Variants in PARVG observed in about 807,000 individuals in gnomAD.
PARVG encodes the protein parvin gamma, also known as gamma-parvin.
Under a neutral mutation model 44.4 loss-of-function variants are expected in PARVG, and 36 were observed. The ratio of observed to expected loss-of-function variants is 0.81; its 90% CI spans 0.62 to 1.07. The LOEUF (loss-of-function observed/expected upper bound fraction) is 1.07. Ranked by LOEUF, PARVG falls within the 50% of genes least tolerant of loss-of-function variation. The pLI is 0.00. For missense variants in PARVG, 407 were observed against 407.4 expected, an observed-to-expected ratio of 1.00 and a Z score of 0.01; for synonymous variants, 170 against 174.1, an observed-to-expected ratio of 0.98 and a Z score of 0.19.
In PARVG at chr22:44,181,760, C is replaced by T; in HGVS notation, c.-170C>T. On this transcript the variant is annotated 5_prime_UTR_variant, in exon 2 of 14. Transcript: ENST00000444313. ...GCCGCAGAGAGGAGGAAGCTCCTGCCGGCTGAGCGGGCCTGGAGGAAGTGA... is the reference window on the plus strand; with the variant it reads ...GCCGCAGAGAGGAGGAAGCTCCTGCTGGCTGAGCGGGCCTGGAGGAAGTGA... 5.1e-6 allele frequency: 5 copies of T among 985,398 alleles called. No homozygotes were observed. The highest frequency in any genetic ancestry group is 4.8e-6 in the Non-Finnish European group (4 of 829,932). The allele number at this position is 985,398 out of a possible 1,614,324, so 61.0% of individuals were successfully genotyped here. A position where few individuals can be genotyped will look rare whatever the true frequency, so the allele number is the denominator to read the frequency against.
At position 44,182,520 on chromosome 22, in the gene PARVG, A is replaced by T. The variant is rs1284711355; in HGVS notation, c.-13+603A>T. Among the ~76,000 whole-genome samples the T allele has an allele frequency of 6.6e-6, 1 of 152,104 alleles. No individual in the cohort carries two copies. The highest frequency in any genetic ancestry group is 2.4e-5 in the African/African-American group (1 of 41,428). On this transcript the variant is annotated intron_variant, in intron 2 of 13. Transcript: ENST00000444313. This position sits in a 1 kb window ranked among gnomAD's most constrained non-coding sequence, Gnocchi z 4.6. ...GACATGGGTGGCTCCAGTCGAGTGA[A>T]TGCCTCCGTCTCCCACAGCTCAGGG...
At chr22:44,204,760 G>T (rs1781886627) in intron 12 of PARVG, among the ~76,000 whole-genome samples, 1 of 152,248 alleles carries the variant, frequency 6.6e-6, no homozygotes, top group Admixed American at 6.5e-5. Context: ...CCCGTCTAGT[G>T]GATCTACGGG....
intron 1 of PARVG, chr22:44,173,204 G>A: frequency 8.1e-7 from 1 of 1,236,562 alleles, no homozygotes; most frequent in Non-Finnish European, 1.0e-6. Context: ...GAGTAATAAA[G>A]GCTCATCTGC....
rs139187 is a variant in PARVG, at chr22:44,206,669, A to C, written c.*243A>C. The C allele has an allele frequency of 0.32, 164,570 of 508,016 alleles. 29,308 individuals are homozygous for C. Among genetic ancestry groups the C allele is most frequent in the Non-Finnish European group, 0.39 (109,940 of 281,026 alleles). The allele number at this position is 508,016 out of a possible 1,614,324, so 31.5% of individuals were successfully genotyped here. A position where few individuals can be genotyped will look rare whatever the true frequency, so the allele number is the denominator to read the frequency against. ...TTCTGGGAGGGATTCTGGGAACTTG[A>C]CAGGGTCCTGAGGAGGGCCCTTAAA... On this transcript the variant is annotated 3_prime_UTR_variant, in exon 14 of 14. Transcript: ENST00000444313.
intron 5 of PARVG, chr22:44,188,895 G>A: frequency 1.7e-6 from 1 of 596,568 alleles, no homozygotes; most frequent in Non-Finnish European, 2.9e-6. Flanking sequence ...TGGCCTGCAT[G>A]GCCCACCAAT....
intron 12 of PARVG, among the ~76,000 whole-genome samples, chr22:44,203,773 G>A (rs139172): frequency 0.43 from 65,593 of 152,052 alleles, 15,329 homozygotes; most frequent in Non-Finnish European, 0.52. Flanking sequence ...CTGTCCACTC[G>A]GAGCTTCCCA....
chr22:44,203,668 A>G (rs1268641536), intron 12 of PARVG, among the ~76,000 whole-genome samples: 1 of 152,246 alleles, frequency 6.6e-6, no homozygotes, highest in Non-Finnish European at 1.5e-5. Context: ...GAATGCGAAC[A>G]ATAGCAACAA....
At position 44,185,834 on chromosome 22, in the gene PARVG, A is replaced by G; in HGVS notation, c.106A>G (p.Thr36Ala). 3.7e-6 allele frequency: 6 copies of G among 1,613,630 alleles called. No homozygotes were observed. Among genetic ancestry groups the G allele is most frequent in the Non-Finnish European group, 5.1e-6 (6 of 1,179,748 alleles). ...KGGKKKYLPPTSRKDPKFEEL... is the reference protein window; with the variant it reads ...KGGKKKYLPPASRKDPKFEEL... Reference sequence around the variant, plus strand: ...AGGAAAGAAGAAATACCTGCCACCCACTTCCCGGAAGGACCCCAAATTTGA... The same window carrying G: ...AGGAAAGAAGAAATACCTGCCACCCGCTTCCCGGAAGGACCCCAAATTTGA... The change falls in exon 4 of 14, where the codon ACT becomes GCT. Residue 36 changes from threonine to alanine, a missense_variant. Coordinates refer to ENST00000444313, the MANE Select transcript of PARVG (RefSeq NM_022141.7).
intron 12 of PARVG, 105 bp downstream of exon 12, chr22:44,198,827 G>A (rs2054654023): frequency 3.4e-6 from 3 of 877,312 alleles, no homozygotes; most frequent in East Asian, 4.8e-5. Flanking sequence ...AGTGAAGGGT[G>A]TAGGGGAAGC....
intron 11 of PARVG, among the ~76,000 whole-genome samples, chr22:44,197,362 G>A (rs957466983): frequency 6.6e-6 from 1 of 152,152 alleles, no homozygotes; most frequent in Non-Finnish European, 1.5e-5. Flanking sequence ...TCTGAAGTGG[G>A]AACTGTACTA....
At chr22:44,175,426 G>A (rs1266857725) in intron 1 of PARVG, among the ~76,000 whole-genome samples, 4 of 152,258 alleles carry the variant, frequency 2.6e-5, no homozygotes, top group Admixed American at 2.6e-4. Context: ...CCCGGCCACC[G>A]CAGGGACGGG....
intron 1 of PARVG, among the ~76,000 whole-genome samples, chr22:44,175,225 G>C (rs1486688069): frequency 2.0e-5 from 3 of 152,242 alleles, no homozygotes; most frequent in African/African-American, 7.2e-5. Context: ...CACCTCCCCA[G>C]GGGGCCGTGG....
chr22:44,196,253 C>T lies in PARVG; in HGVS notation c.642+40C>T, dbSNP rs747488214. 86 of 1,613,808 alleles carry T rather than the reference C, an allele frequency of 5.3e-5. 1 individual carries two copies. Among genetic ancestry groups the T allele is most frequent in the South Asian group, 4.0e-4 (36 of 91,072 alleles). On this transcript the variant is annotated intron_variant, in intron 10 of 13. Transcript: ENST00000444313. Reference sequence around the variant, plus strand: ...AGCTCTCAGCGGCTCTCAGGCTGCCCACCCCACCCACTGCCCACCTGCGCT... The same window carrying T: ...AGCTCTCAGCGGCTCTCAGGCTGCCTACCCCACCCACTGCCCACCTGCGCT...
chr22:44,196,364 C>T lies in PARVG; in HGVS notation c.660C>T (p.Val220=). ...CTGGTTAGGCCATCGTGAACTTTGT[C>T]AACCAGAAGCTGGACCGCCTGGGCC... ...NAVKEAIVNF[V]NQKLDRLGLS... is the part of the protein sequence containing the mutation. Residue 220 remains valine, a synonymous_variant, in exon 11 of 14, where the codon GTC becomes GTT. Coordinates refer to ENST00000444313, the MANE Select transcript of PARVG (RefSeq NM_022141.7). The T allele has an allele frequency of 6.2e-7, 1 of 1,614,210 alleles. No individual in the cohort carries two copies. The highest frequency in any genetic ancestry group is 1.3e-5 in the African/African-American group (1 of 75,066).
chr22:44,185,991 C>T lies in PARVG; in HGVS notation c.144+119C>T, dbSNP rs560512305. ...TCCTTGGCCTCAGGCTGGGGGGTGGCGACCCCCGAAGACCCCTGGAAGGCC... is the reference window on the plus strand; with the variant it reads ...TCCTTGGCCTCAGGCTGGGGGGTGGTGACCCCCGAAGACCCCTGGAAGGCC... On this transcript the variant is annotated intron_variant, in intron 4 of 13. Coordinates refer to ENST00000444313, the MANE Select transcript of PARVG (RefSeq NM_022141.7). 3.3e-4 allele frequency: 288 copies of T among 859,968 alleles called. 3 individuals are homozygous for T. In the African/African-American group the frequency reaches 4.0e-3, roughly 12 times the overall value. 53.3% of individuals were successfully genotyped at this position (859,968 alleles called of 1,614,324 possible).
Position 44,196,350 on chromosome 22 carries a change from A to G in PARVG, c.646A>G (p.Ile216Val), listed in dbSNP as rs1032147081. 2 of 1,614,102 alleles carry G rather than the reference A, an allele frequency of 1.2e-6. No homozygotes were observed. Among genetic ancestry groups the G allele is most frequent in the African/African-American group, 1.3e-5 (1 of 74,940 alleles). Residue 216 changes from isoleucine (I) to valine (V), a missense_variant, in exon 11 of 14, where the codon ATC becomes GTC. Transcript: ENST00000444313. ...GCCCTTGTTCTTCCCTGGTTAGGCC[A>G]TCGTGAACTTTGTCAACCAGAAGCT... ...PEKVNAVKEA[I>V]VNFVNQKLDR...
Position 44,203,479 on chromosome 22 carries a change from A to G in PARVG, c.814-2278A>G, listed in dbSNP as rs543781860. Among the ~76,000 whole-genome samples the G allele has an allele frequency of 3.9e-5, 6 of 152,308 alleles. No individual in the cohort carries two copies. In the East Asian group the frequency reaches 9.6e-4, roughly 24 times the overall value. On this transcript the variant is annotated intron_variant, in intron 12 of 13. Coordinates refer to ENST00000444313, the MANE Select transcript of PARVG (RefSeq NM_022141.7). ...TTTCTAAAAACGTTTGGCCACAGAT[A>G]TCCCCTTTCCTGTCCATCTTAGATC...
chr22:44,193,818 C>T lies in PARVG; in HGVS notation c.578C>T (p.Pro193Leu). 6.2e-7 allele frequency: 1 copy of T among 1,614,116 alleles called. No individual in the cohort carries two copies. Among genetic ancestry groups the T allele is most frequent in the Non-Finnish European group, 8.5e-7 (1 of 1,180,028 alleles). The change falls in exon 9 of 14, where the codon CCT (proline) becomes CTT (leucine). Residue 193 changes from proline to leucine, a missense_variant. Physicochemically the swap from Pro to Leu is moderately conservative, Grantham distance 98. Coordinates refer to ENST00000444313, the MANE Select transcript of PARVG (RefSeq NM_022141.7). ...CTGCACAGCACAGACAAGGACGAGC[C>T]TCCAAGTGAGTACTTTCATCATTTT... is the stretch of plus-strand genomic sequence containing the variant. ...LTEYSTDKDE[P>L]PKDVFDELFK...
chr22:44,194,139 C>T (rs1486091419), intron 9 of PARVG, among the ~76,000 whole-genome samples: 1 of 152,210 alleles, frequency 6.6e-6, no homozygotes, highest in Non-Finnish European at 1.5e-5. Flanking sequence ...CACTCATTAG[C>T]CACTTAAGTT....
Sources: allele counts gnomAD v4.1 joint callset (sites outside exome capture counted in the v4.1 genomes callset), GRCh38; gene constraint gnomAD v4.1.1; non-coding constraint Gnocchi (gnomAD v3.1); transcripts MANE v1.5; gene names NCBI Gene and HGNC (gene_info 2026-07-23, HGNC 2026-07-21).